The following CAMTA1 variants were observed in gnomAD, a reference collection of about 807,000 sequenced individuals.
CAMTA1 encodes the protein calmodulin-binding transcription activator 1.
In CAMTA1, 27 loss-of-function variants were observed where a neutral mutation model predicts 170.9. The ratio of observed to expected loss-of-function variants is 0.16; its 90% CI spans 0.12 to 0.22. The LOEUF (loss-of-function observed/expected upper bound fraction) is 0.22. Among genes scored for constraint, CAMTA1 ranks in the 10% least tolerant of loss-of-function variants. The pLI, the probability that CAMTA1 is intolerant of heterozygous loss-of-function variation, is 1.00. For synonymous variants in CAMTA1, 833 were observed against 891.5 expected, an observed-to-expected ratio of 0.93 and a Z score of 1.17; for missense variants, 1,619 against 2,217.2, an observed-to-expected ratio of 0.73 and a Z score of 5.42.
chr1:7,634,266 G>A lies in CAMTA1; in HGVS notation c.511-6134G>A, dbSNP rs114436131. ...GTATATGGGAGGATTAGGCTTCCTGGGGTGGGAGAAATGGCAGAACTGGGT... is the reference window on the plus strand; with the variant it reads ...GTATATGGGAGGATTAGGCTTCCTGAGGTGGGAGAAATGGCAGAACTGGGT... On this transcript the variant is annotated intron_variant, in intron 6 of 22. Coordinates refer to ENST00000303635, the MANE Select transcript of CAMTA1 (RefSeq NM_015215.4). This position sits in a 1 kb window ranked among gnomAD's most constrained non-coding sequence, Gnocchi z 6.2. 0.022 allele frequency among the ~76,000 whole-genome samples: 3,317 copies of A among 152,198 alleles called. 92 individuals carry two copies. Among genetic ancestry groups the A allele is most frequent in the African/African-American group, 0.074 (3,087 of 41,506 alleles).
At chr1:6,892,689 C>T (rs1674786336) in intron 3 of CAMTA1, among the ~76,000 whole-genome samples, 1 of 146,650 alleles carries the variant, frequency 6.8e-6, no homozygotes, top group Non-Finnish European at 1.5e-5. Context: ...AAATTTTGTC[C>T]TCTTTTGCCT....
intron 5 of CAMTA1, among the ~76,000 whole-genome samples, chr1:7,263,667 A>G (rs1212441220): frequency 1.3e-5 from 2 of 152,076 alleles, no homozygotes; most frequent in Non-Finnish European, 2.9e-5. Flanking sequence ...CCAGAGATCT[A>G]TGGGCTTTCA....
At chr1:7,189,897 G>C (rs560135689) in intron 4 of CAMTA1, among the ~76,000 whole-genome samples, 13 of 152,336 alleles carry the variant, frequency 8.5e-5, no homozygotes, top group African/African-American at 3.1e-4. Flanking sequence ...ATCAGTCAAC[G>C]AGTGGATAAA....
At chr1:7,454,859 C>T (rs2092913599) in intron 5 of CAMTA1, among the ~76,000 whole-genome samples, 1 of 152,092 alleles carries the variant, frequency 6.6e-6, no homozygotes, top group South Asian at 2.1e-4. Context: ...GCCCGAGATC[C>T]CAGAGCGCTC....
chr1:7,072,592 C>A (rs142140853), intron 3 of CAMTA1, among the ~76,000 whole-genome samples: 1 of 152,128 alleles, frequency 6.6e-6, no homozygotes, highest in East Asian at 1.9e-4. Context: ...CACTGCAGAA[C>A]GTCAGGCAGG....
rs181876129 is a variant in CAMTA1 at position 6,934,306 on chromosome 1, G to T, written c.234+109096G>T. Among the ~76,000 whole-genome samples, 1 of 152,136 alleles carries T rather than the reference G, an allele frequency of 6.6e-6. No individual in the cohort carries two copies. The highest frequency in any genetic ancestry group is 1.5e-5 in the Non-Finnish European group (1 of 68,026). ...AGGCATGCTCCCGGAAGTTAGCATC[G>T]CTCATGGCCCTCAGTCAGGGCATGG... is the stretch of plus-strand genomic sequence containing the variant. On this transcript the variant is annotated intron_variant, in intron 3 of 22. Coordinates refer to ENST00000303635, the MANE Select transcript of CAMTA1 (RefSeq NM_015215.4). This position sits in a 1 kb window ranked among gnomAD's most constrained non-coding sequence, Gnocchi z 4.5.
intron 6 of CAMTA1, among the ~76,000 whole-genome samples, chr1:7,535,171 C>T (rs1205850686): frequency 1.3e-5 from 2 of 151,990 alleles, no homozygotes; most frequent in East Asian, 3.9e-4. Context: ...CAGTGAGTTT[C>T]AGTGAATGAA....
rs57769094 is a variant in CAMTA1 at position 7,396,570 on chromosome 1, T to C, written c.439-71260T>C. On this transcript the variant is annotated intron_variant, in intron 5 of 22. Transcript: ENST00000303635. ...GGTAAAAGAGGGCATCATTGTCTTATTCCAGATCTTAGAAGAAAAGCATTT... is the reference window on the plus strand; with the variant it reads ...GGTAAAAGAGGGCATCATTGTCTTACTCCAGATCTTAGAAGAAAAGCATTT... Among the ~76,000 whole-genome samples, 749 of 152,336 alleles carry C rather than the reference T, an allele frequency of 4.9e-3. 9 individuals are homozygous for C. Among genetic ancestry groups the C allele is most frequent in the African/African-American group, 0.016 (682 of 41,570 alleles).
At chr1:7,621,037 CA>C (rs1397268415) in intron 6 of CAMTA1, among the ~76,000 whole-genome samples, 1 of 152,044 alleles carries the variant, frequency 6.6e-6, no homozygotes, top group Admixed American at 6.6e-5. Flanking sequence ...GCCGTAGGGT[CA>C]GGGGAGTAAT....
rs372454572 is a variant in CAMTA1 at position 7,758,803 on chromosome 1, C to A, written c.4989+3135C>A. Among the ~76,000 whole-genome samples the A allele has an allele frequency of 4.0e-5, 6 of 151,842 alleles. No homozygotes were observed. The East Asian group carries it at 9.7e-4, about 25-fold the overall frequency. ...ACAAAAAATTAGCCGGTTGCGGTGG[C>A]GGGCGCCTGTAGTCCCAGCTACTCG... On this transcript the variant is annotated intron_variant, in intron 22 of 22. Coordinates refer to ENST00000303635, the MANE Select transcript of CAMTA1 (RefSeq NM_015215.4).
In CAMTA1 at chr1:7,293,586, T is replaced by C. The variant is rs1037544642; in HGVS notation, c.438+43960T>C. Among the ~76,000 whole-genome samples, 10 of 152,226 alleles carry C rather than the reference T, an allele frequency of 6.6e-5. No homozygotes were observed. The highest frequency in any genetic ancestry group is 6.5e-5 in the Admixed American group (1 of 15,292). ...TATTTATCACTACAGTTTGTATAAT[T>C]TGGTGGTCTGTTTTCATCTTTTACA... On this transcript the variant is annotated intron_variant, in intron 5 of 22. Coordinates refer to ENST00000303635, the MANE Select transcript of CAMTA1 (RefSeq NM_015215.4). The surrounding 1 kb of genome is among the most constrained non-coding windows in gnomAD (Gnocchi z 4.1).
At chr1:6,895,901 C>T (rs759612119) in intron 3 of CAMTA1, among the ~76,000 whole-genome samples, 1 of 152,082 alleles carries the variant, frequency 6.6e-6, no homozygotes, top group Admixed American at 6.5e-5. Context: ...TCTTTTTGTC[C>T]TCAGCTCTTC....
chr1:6,912,902 T>C (rs1173497647), intron 3 of CAMTA1, among the ~76,000 whole-genome samples: 1 of 152,118 alleles, frequency 6.6e-6, no homozygotes, highest in Non-Finnish European at 1.5e-5. Flanking sequence ...CACCAGGAGG[T>C]TGTGTGGCCA....
chr1:6,871,565 A>T (rs910705380), intron 3 of CAMTA1, among the ~76,000 whole-genome samples: 3 of 150,800 alleles, frequency 2.0e-5, no homozygotes, highest in Non-Finnish European at 4.4e-5. Flanking sequence ...TTAGGTTTTA[A>T]TGATTGAATG....
At chr1:7,730,179 A>T (rs1414737317) in intron 11 of CAMTA1, among the ~76,000 whole-genome samples, 2 of 152,210 alleles carry the variant, frequency 1.3e-5, no homozygotes, top group Non-Finnish European at 2.9e-5. Context: ...GGTTGAGGAA[A>T]CGGAGGCATG....
At chr1:6,904,767 A>ATTTTTTTTTTTTTTTTT (rs1677988270) in intron 3 of CAMTA1, among the ~76,000 whole-genome samples, 1 of 55,096 alleles carries the variant, frequency 1.8e-5, no homozygotes, top group Non-Finnish European at 3.8e-5. Flanking sequence ...TTTTTTTTTA[A>ATTTTTTTTTTTTTTTTT]TTTTTGGCAG....
chr1:7,621,709 G>T lies in CAMTA1; in HGVS notation c.511-18691G>T, dbSNP rs114490197. 3.2e-3 allele frequency among the ~76,000 whole-genome samples: 495 copies of T among 152,332 alleles called. 3 individuals are homozygous for T. Among genetic ancestry groups the T allele is most frequent in the African/African-American group, 0.012 (480 of 41,578 alleles). On this transcript the variant is annotated intron_variant, in intron 6 of 22. Transcript: ENST00000303635. ...GGGCTGGTGAGGTGCCAGGTGCAGT[G>T]CTCGCCCTTCTGGAAGTTTCCTGGA...
chr1:7,604,524 G>C (rs935072719), intron 6 of CAMTA1, among the ~76,000 whole-genome samples: 3 of 152,190 alleles, frequency 2.0e-5, no homozygotes, highest in Admixed American at 6.5e-5. Context: ...GTGGTTTTCA[G>C]CTCCATCAGG....
chr1:7,707,306 GTAT>G (rs1409692530), intron 11 of CAMTA1, among the ~76,000 whole-genome samples: 1 of 152,202 alleles, frequency 6.6e-6, no homozygotes, highest in African/African-American at 2.4e-5. Flanking sequence ...GTGGAACTGA[GTAT>G]TATTTACTTA....
Sources: gnomAD v4.1 joint callset for allele counts (sites outside exome capture counted in the v4.1 genomes callset) on GRCh38, gnomAD v4.1.1 for gene constraint, Gnocchi (gnomAD v3.1) non-coding constraint, MANE v1.5 for transcripts, NCBI Gene and HGNC (gene_info 2026-07-23, HGNC 2026-07-21) for gene names.